PAPPA2: variants seen among roughly 807,000 people sequenced by gnomAD.
The protein encoded by PAPPA2 is pappalysin 2.
PAPPA2 carries 86 observed loss-of-function variants against 176.4 expected under a neutral mutation model. The ratio of observed to expected loss-of-function variants is 0.49; its 90% CI spans 0.41 to 0.58. PAPPA2 has a LOEUF of 0.58. Among genes scored for constraint, PAPPA2 ranks in the 20% least tolerant of loss-of-function variants. The pLI is 0.00. For synonymous variants in PAPPA2, 809 were observed against 852.2 expected (o/e 0.95, Z 0.88); for missense variants, 2,073 against 2,256.9 (o/e 0.92, Z 1.65).
intron 4 of PAPPA2, among the ~76,000 whole-genome samples, chr1:176,678,282 A>G (rs1269058801): frequency 6.6e-6 from 1 of 152,206 alleles, no homozygotes; most frequent in African/African-American, 2.4e-5. Flanking sequence ...GTTTAATAGT[A>G]GCAAAGAGAG....
chr1:176,769,543 C>G, intron 15 of PAPPA2, 64 bp from the exon 16 acceptor site: 1 of 1,508,636 alleles, frequency 6.6e-7, no homozygotes, highest in South Asian at 1.2e-5. Context: ...TCTTCTAAAG[C>G]CTGGAAACTA....
chr1:176,540,841 A>G (rs1650324489), intron 1 of PAPPA2, among the ~76,000 whole-genome samples: 1 of 152,190 alleles, frequency 6.6e-6, no homozygotes, highest in Admixed American at 6.5e-5. Context: ...ATCTCCCACC[A>G]GAGACAACTA....
At chr1:176,678,774 G>A (rs1659435231) in intron 4 of PAPPA2, among the ~76,000 whole-genome samples, 1 of 151,718 alleles carries the variant, frequency 6.6e-6, no homozygotes, top group Non-Finnish European at 1.5e-5. Flanking sequence ...ACTATCAGAA[G>A]AGATGCAATA....
chr1:176,626,996 T>C (rs1656063819), intron 3 of PAPPA2, among the ~76,000 whole-genome samples: 1 of 151,730 alleles, frequency 6.6e-6, no homozygotes, highest in Non-Finnish European at 1.5e-5. Context: ...GTACTTGGGT[T>C]ACAGGCCAAG....
intron 17 of PAPPA2, among the ~76,000 whole-genome samples, chr1:176,788,173 CA>C (rs1341627914): frequency 6.6e-6 from 1 of 152,146 alleles, no homozygotes; most frequent in Non-Finnish European, 1.5e-5. Context: ...AGTTTCAGTT[CA>C]ATGATTCAAT....
At chr1:176,736,540 A>G (rs1662424453) in intron 12 of PAPPA2, among the ~76,000 whole-genome samples, 2 of 147,070 alleles carry the variant, frequency 1.4e-5, no homozygotes. Flanking sequence ...ATATTTTTAA[A>G]TATATATCTT....
chr1:176,834,157 T>C (rs1454605459), intron 21 of PAPPA2, among the ~76,000 whole-genome samples: 3 of 152,180 alleles, frequency 2.0e-5, no homozygotes, highest in Admixed American at 2.0e-4. Context: ...GTTGATTAGA[T>C]CCCAAGCCTT....
intron 14 of PAPPA2, among the ~76,000 whole-genome samples, chr1:176,757,243 A>C (rs1047140726): frequency 2.0e-5 from 3 of 152,160 alleles, no homozygotes; most frequent in African/African-American, 7.2e-5. Context: ...TGCTGGGTCA[A>C]ATGGTATTTC....
At chr1:176,653,530 G>A (rs1365613445) in intron 3 of PAPPA2, among the ~76,000 whole-genome samples, 1 of 151,594 alleles carries the variant, frequency 6.6e-6, no homozygotes, top group East Asian at 1.9e-4. Flanking sequence ...TTCTTATATG[G>A]TCTTTTCTGT....
At chr1:176,515,252 A>G (rs1648842893) in intron 1 of PAPPA2, among the ~76,000 whole-genome samples, 1 of 152,200 alleles carries the variant, frequency 6.6e-6, no homozygotes, top group South Asian at 2.1e-4. Context: ...AGAGCAGGAC[A>G]CAAAATAAAG....
intron 9 of PAPPA2, among the ~76,000 whole-genome samples, chr1:176,703,837 C>T (rs1422161620): frequency 6.6e-6 from 1 of 152,214 alleles, no homozygotes; most frequent in African/African-American, 2.4e-5. Context: ...TGCTACCTAA[C>T]TCAGCCTGCC....
intron 3 of PAPPA2, among the ~76,000 whole-genome samples, chr1:176,638,943 T>C (rs966281243): frequency 7.0e-5 from 9 of 127,900 alleles, no homozygotes; most frequent in African/African-American, 2.8e-4. Context: ...CATGTGCGTG[T>C]GTGTGTGTGT....
Position 176,470,173 on chromosome 1 carries a change from A to G in PAPPA2, c.-917+6755A>G, listed in dbSNP as rs530025412. Among the ~76,000 whole-genome samples, 1,200 of 152,344 alleles carry G rather than the reference A, an allele frequency of 7.9e-3. 9 individuals are homozygous for G. The highest frequency in any genetic ancestry group is 0.014 in the Non-Finnish European group (979 of 68,016). On this transcript the variant is annotated intron_variant, in intron 1 of 22. Transcript: ENST00000367662. Reference sequence around the variant, plus strand: ...TCCATCTCCAAGCAAGAAGGTTCACAGTGGTGAAGGTCCAGGGTTTACTGG... The same window carrying G: ...TCCATCTCCAAGCAAGAAGGTTCACGGTGGTGAAGGTCCAGGGTTTACTGG...
At chr1:176,584,683 AT>A (rs34981303) in intron 2 of PAPPA2, among the ~76,000 whole-genome samples, 97,835 of 151,536 alleles carry the variant, frequency 0.65, 32,090 homozygotes, top group East Asian at 0.93. Flanking sequence ...CTTTTTGTTT[AT>A]TTTTTATGTT....
At chr1:176,635,908 G>A (rs1558487626) in intron 3 of PAPPA2, among the ~76,000 whole-genome samples, 2 of 151,942 alleles carry the variant, frequency 1.3e-5, no homozygotes, top group African/African-American at 2.4e-5. Flanking sequence ...ATGGCACCTC[G>A]CACAGTGCTG....
intron 2 of PAPPA2, among the ~76,000 whole-genome samples, chr1:176,571,214 C>T (rs1558444529): frequency 6.6e-6 from 1 of 152,184 alleles, no homozygotes; most frequent in African/African-American, 2.4e-5. Flanking sequence ...CACCCATTAC[C>T]TGCTCCTTAA....
Position 176,840,206 on chromosome 1 carries a change from A to C in PAPPA2, c.5236A>C (p.Asn1746His). ...AGCAGATGGTTGGTGTGACACTATC[A>C]ACAACCGAGCCTACTGCCACTATGA... ...FQADGWCDTI[N>H]NRAYCHYDGG... The change falls in exon 22 of 23, where the codon AAC becomes CAC. Residue 1746 changes from asparagine (N) to histidine (H), a missense_variant. Around this residue, in one of 4 missense-constraint regions of PAPPA2, gnomAD observed 846 missense variants for 857.9 expected, o/e 0.99. Transcript: ENST00000367662. 6.2e-7 allele frequency: 1 copy of C among 1,613,478 alleles called. No individual in the cohort carries two copies. The highest frequency in any genetic ancestry group is 8.5e-7 in the Non-Finnish European group (1 of 1,179,636).
intron 17 of PAPPA2, among the ~76,000 whole-genome samples, chr1:176,789,019 T>C (rs1665060211): frequency 1.3e-5 from 2 of 152,318 alleles, no homozygotes; most frequent in East Asian, 1.9e-4. Flanking sequence ...TGTGATAACC[T>C]TTTTTGTACC....
chr1:176,830,320 T>C, intron 21 of PAPPA2, among the ~76,000 whole-genome samples: 1 of 152,224 alleles, frequency 6.6e-6, no homozygotes, highest in East Asian at 1.9e-4. Context: ...TTTTTAGTTT[T>C]ATAGAGTTAA....
Sources: allele counts gnomAD v4.1 joint callset (sites outside exome capture counted in the v4.1 genomes callset), GRCh38; gene constraint gnomAD v4.1.1; regional missense constraint gnomAD v4.1.1; transcripts MANE v1.5; gene names NCBI Gene and HGNC (gene_info 2026-07-23, HGNC 2026-07-21).